ANGPT2: variants seen among roughly 807,000 people sequenced by gnomAD.
The protein encoded by ANGPT2 is angiopoietin-2.
A neutral mutation model predicts 62.9 loss-of-function variants in ANGPT2; 28 were observed. The ratio of observed to expected loss-of-function variants is 0.44; its 90% CI spans 0.33 to 0.61. The LOEUF (loss-of-function observed/expected upper bound fraction) is 0.61, where lower values mean the gene tolerates loss of function less well. ANGPT2 is among the 20% of genes least tolerant of loss of function. The pLI is 0.03. For synonymous variants in ANGPT2, 284 were observed against 207.8 expected (o/e 1.37, Z -3.15); for missense variants, 727 against 594.9 (o/e 1.22, Z -2.31).
At chr8:6,521,618 A>T (rs1267267700) in intron 3 of ANGPT2, among the ~76,000 whole-genome samples, 1 of 152,252 alleles carries the variant, frequency 6.6e-6, no homozygotes, top group Non-Finnish European at 1.5e-5. Flanking sequence ...GTATAAGCAT[A>T]TATGTATGTA....
At position 6,503,061 on chromosome 8, in the gene ANGPT2, G is replaced by A. The variant is rs1032883568; in HGVS notation, c.*40C>T. On this transcript the variant is annotated 3_prime_UTR_variant, in exon 9 of 9. Coordinates refer to ENST00000629816, the MANE Select transcript of ANGPT2 (RefSeq NM_001118887.2). Reference sequence around the variant, plus strand: ...TTCAGTGCACTGGGCTTAAGTCTTTGAAAATAGTTCGAGACAGTTCCTCAG... The same window carrying A: ...TTCAGTGCACTGGGCTTAAGTCTTTAAAAATAGTTCGAGACAGTTCCTCAG... 4 of 1,611,528 alleles carry A rather than the reference G, an allele frequency of 2.5e-6. No homozygotes were observed. The highest frequency in any genetic ancestry group is 2.5e-6 in the Non-Finnish European group (3 of 1,178,638).
At position 6,527,691 on chromosome 8, in the gene ANGPT2, A is replaced by G. The variant is rs776758364; in HGVS notation, c.445-15T>C. 1 of 1,590,476 alleles carries G rather than the reference A, an allele frequency of 6.3e-7. No individual in the cohort carries two copies. The highest frequency in any genetic ancestry group is 1.4e-5 in the African/African-American group (1 of 73,784). On this transcript the variant is annotated splice_polypyrimidine_tract_variant and intron_variant, in intron 2 of 8. Coordinates refer to ENST00000629816, the MANE Select transcript of ANGPT2 (RefSeq NM_001118887.2). Reference sequence around the variant, plus strand: ...TGATTTAATACCTAAATGTAACAAAATGAAGTTCCTATTAATTATTTTTTA... The same window carrying G: ...TGATTTAATACCTAAATGTAACAAAGTGAAGTTCCTATTAATTATTTTTTA...
At chr8:6,520,386 A>G (rs1817083007) in intron 4 of ANGPT2, among the ~76,000 whole-genome samples, 3 of 152,328 alleles carry the variant, frequency 2.0e-5, no homozygotes, top group South Asian at 4.1e-4. Context: ...AAACACTGTT[A>G]TCTGTATCAT....
chr8:6,559,063 T>C (rs1825098306), intron 1 of ANGPT2, among the ~76,000 whole-genome samples: 1 of 152,162 alleles, frequency 6.6e-6, no homozygotes, highest in Admixed American at 6.5e-5. Flanking sequence ...ACTCAGGATG[T>C]AGCCAGCGGA....
chr8:6,524,091 C>T (rs1817890927), intron 3 of ANGPT2, among the ~76,000 whole-genome samples: 1 of 152,028 alleles, frequency 6.6e-6, no homozygotes, highest in Non-Finnish European at 1.5e-5. Context: ...AAACAGTGAC[C>T]AGATGTCAGA....
chr8:6,515,195 T>G (rs947548935), intron 5 of ANGPT2, among the ~76,000 whole-genome samples: 2 of 142,958 alleles, frequency 1.4e-5, no homozygotes, highest in Non-Finnish European at 3.1e-5. Context: ...CCTTGAAACC[T>G]TTCACTAAAT....
intron 1 of ANGPT2, 149 bp downstream of exon 1, chr8:6,562,498 C>CATTTGAG (rs1230186546): frequency 1.6e-6 from 1 of 632,458 alleles, no homozygotes; most frequent in Admixed American, 3.5e-5. Flanking sequence ...AATTATCTTT[C>CATTTGAG]ATTTGAGGGT....
intron 1 of ANGPT2, among the ~76,000 whole-genome samples, chr8:6,544,104 C>G (rs1018714295): frequency 2.6e-5 from 4 of 152,208 alleles, no homozygotes; most frequent in Admixed American, 6.5e-5. Flanking sequence ...AATAGTATAA[C>G]TTTTTGTTTT....
At position 6,562,743 on chromosome 8, in the gene ANGPT2, A is replaced by AGTG; in HGVS notation, c.191_192insCAC (p.Ala64_Val65insThr). On this transcript the variant is annotated inframe_insertion, in exon 1 of 9. Coordinates refer to ENST00000629816, the MANE Select transcript of ANGPT2 (RefSeq NM_001118887.2). Reference sequence around the variant, plus strand: ...ATTCGAGCGGCGCGTCCCTCTGCACAGCATTGGACACGTAGGGGCTGGAGG... The same window carrying AGTG: ...ATTCGAGCGGCGCGTCCCTCTGCACAGTGGCATTGGACACGTAGGGGCTGGAGG... 2 of 1,613,794 alleles carry AGTG rather than the reference A, an allele frequency of 1.2e-6. No individual in the cohort carries two copies. The highest frequency in any genetic ancestry group is 1.7e-6 in the Non-Finnish European group (2 of 1,179,950).
At position 6,513,752 on chromosome 8, in the gene ANGPT2, A is replaced by G. The variant is rs1385846755; in HGVS notation, c.1122T>C (p.Leu374=). The G allele has an allele frequency of 2.5e-6, 4 of 1,614,026 alleles. No individual in the cohort carries two copies. The highest frequency in any genetic ancestry group is 3.3e-5 in the Admixed American group (2 of 60,006). The stretch of plus-strand genomic sequence containing the variant: ...AAGCCTCATTCCCTTCCCAGTCTTT[A>G]AGGTGTATTTTAAGCACATAGCGTT... The part of the protein sequence containing the change: ...NQQRYVLKIH[L]KDWEGNEAYS... The change falls in exon 7 of 9, where the codon CTT becomes CTC. Residue 374 remains leucine, a synonymous_variant. Coordinates refer to ENST00000629816, the MANE Select transcript of ANGPT2 (RefSeq NM_001118887.2).
rs142889737 is a variant in ANGPT2, at chr8:6,551,202, T to A, written c.288+11445A>T. Among the ~76,000 whole-genome samples, 363 of 152,078 alleles carry A rather than the reference T, an allele frequency of 2.4e-3. 2 individuals are homozygous for A. The highest frequency in any genetic ancestry group is 8.5e-3 in the African/African-American group (354 of 41,488). On this transcript the variant is annotated intron_variant, in intron 1 of 8. Coordinates refer to ENST00000629816, the MANE Select transcript of ANGPT2 (RefSeq NM_001118887.2). ...GAGCTGGATAGAGAAAGGGTCCTAG[T>A]TAAGCTGAGAGGGCTGCTTATTCGT...
intron 1 of ANGPT2, among the ~76,000 whole-genome samples, chr8:6,537,171 A>G (rs973824345): frequency 4.6e-5 from 7 of 152,056 alleles, no homozygotes; most frequent in Non-Finnish European, 1.0e-4. Flanking sequence ...CATGTGAAAC[A>G]TATTCATGTT....
At chr8:6,546,969 C>G (rs1822700848) in intron 1 of ANGPT2, among the ~76,000 whole-genome samples, 1 of 152,166 alleles carries the variant, frequency 6.6e-6, no homozygotes, top group South Asian at 2.1e-4. Flanking sequence ...CTGGTTAGTC[C>G]TGTCTTCTTT....
At chr8:6,517,809 T>A (rs1197206589) in intron 5 of ANGPT2, among the ~76,000 whole-genome samples, 4 of 152,214 alleles carry the variant, frequency 2.6e-5, no homozygotes, top group Non-Finnish European at 4.4e-5. Context: ...TACATCCAAG[T>A]CTGTCTATCT....
intron 1 of ANGPT2, among the ~76,000 whole-genome samples, chr8:6,560,313 T>C (rs12547077): frequency 0.13 from 19,154 of 152,156 alleles, 1,321 homozygotes; most frequent in South Asian, 0.17. Flanking sequence ...AATCAGTGGG[T>C]GTTAGGTTGT....
At chr8:6,541,540 G>A (rs779581526) in intron 1 of ANGPT2, among the ~76,000 whole-genome samples, 4 of 152,194 alleles carry the variant, frequency 2.6e-5, no homozygotes, top group Admixed American at 6.5e-5. Context: ...GCAGCAGAGC[G>A]AATGCGGAGA....
At chr8:6,505,301 ATG>A (rs1563305869) in intron 8 of ANGPT2, among the ~76,000 whole-genome samples, 6 of 80,424 alleles carry the variant, frequency 7.5e-5, no homozygotes, top group African/African-American at 5.0e-4. Context: ...ATACATATAT[ATG>A]TATATAACAT....
intron 3 of ANGPT2, among the ~76,000 whole-genome samples, chr8:6,523,909 A>G (rs1817852338): frequency 1.3e-5 from 2 of 148,548 alleles, no homozygotes; most frequent in South Asian, 4.3e-4. Flanking sequence ...TTTTTTTAAT[A>G]AGATACAAGA....
chr8:6,505,587 T>A (rs11786977), intron 8 of ANGPT2, among the ~76,000 whole-genome samples: 40,290 of 99,136 alleles, frequency 0.41, 10,722 homozygotes, highest in Middle Eastern at 0.55. Context: ...TATATTCTTT[T>A]TGTATATATG....
Sources: allele counts gnomAD v4.1 joint callset (sites outside exome capture counted in the v4.1 genomes callset), GRCh38; gene constraint gnomAD v4.1.1; transcripts MANE v1.5; gene names NCBI Gene and HGNC (gene_info 2026-07-23, HGNC 2026-07-21).